GAREM1: variants seen among roughly 807,000 people sequenced by gnomAD.
GAREM1 encodes the protein GRB2-associated and regulator of MAPK protein 1.
A neutral mutation model predicts 71.3 loss-of-function variants in GAREM1; 26 were observed. The ratio of observed to expected loss-of-function variants is 0.36; its 90% CI spans 0.27 to 0.51. The LOEUF is 0.51. Among genes scored for constraint, GAREM1 ranks in the 20% least tolerant of loss-of-function variants. GAREM1 has a pLI of 0.95. For missense variants in GAREM1, 1,026 were observed against 1,103.1 expected (o/e 0.93, Z 0.99); for synonymous variants, 440 against 433.2 (o/e 1.02, Z -0.20).
intron 1 of GAREM1, among the ~76,000 whole-genome samples, chr18:32,410,794 C>T (rs1184543516): frequency 6.6e-6 from 1 of 152,106 alleles, no homozygotes; most frequent in Non-Finnish European, 1.5e-5. Flanking sequence ...ACAAATACGA[C>T]TTCGGTTTTT....
At chr18:32,376,253 T>C (rs1042722506) in intron 2 of GAREM1, among the ~76,000 whole-genome samples, 2 of 152,328 alleles carry the variant, frequency 1.3e-5, no homozygotes, top group African/African-American at 4.8e-5. Context: ...AAGATTTAAT[T>C]GTCTCCACTT....
At chr18:32,457,224 A>AGTGTGTGTGGGTGTGTGTGT (rs1309543369) in intron 1 of GAREM1, among the ~76,000 whole-genome samples, 1 of 107,362 alleles carries the variant, frequency 9.3e-6, no homozygotes, top group Non-Finnish European at 1.9e-5. Flanking sequence ...AGAGAGAGAG[A>AGTGTGTGTGGGTGTGTGTGT]GAGTGTGTGT....
At position 32,267,170 on chromosome 18, in the gene GAREM1, G is replaced by A. The variant is rs945353366; in HGVS notation, c.*701C>T. 6.6e-6 allele frequency: 1 copy of A among 152,156 alleles called. No homozygotes were observed. Among genetic ancestry groups the A allele is most frequent in the Non-Finnish European group, 1.5e-5 (1 of 68,038 alleles). 9.4% of individuals were successfully genotyped at this position (152,156 alleles called of 1,614,324 possible). ...TGTGTAAAACATATCCGGGTGTATT[G>A]TGTATGCACCTATACATGTTTATAT... On this transcript the variant is annotated 3_prime_UTR_variant, in exon 6 of 6. Coordinates refer to ENST00000269209, the MANE Select transcript of GAREM1 (RefSeq NM_001242409.2).
chr18:32,278,298 G>T (rs2041568952), intron 4 of GAREM1, among the ~76,000 whole-genome samples: 1 of 152,166 alleles, frequency 6.6e-6, no homozygotes, highest in African/African-American at 2.4e-5. Context: ...TAACCTTCTA[G>T]AATCAACTGT....
intron 1 of GAREM1, among the ~76,000 whole-genome samples, chr18:32,437,502 C>T (rs2048691151): frequency 6.6e-6 from 1 of 152,182 alleles, no homozygotes; most frequent in African/African-American, 2.4e-5. Flanking sequence ...CCAAGATCTT[C>T]AGTGTCTAGA....
At chr18:32,441,184 G>C (rs1000552942) in intron 1 of GAREM1, among the ~76,000 whole-genome samples, 1 of 152,150 alleles carries the variant, frequency 6.6e-6, no homozygotes, top group Non-Finnish European at 1.5e-5. Context: ...AGGGACAGAA[G>C]CAAGTTCTCA....
chr18:32,340,883 T>C (rs2047640979), intron 2 of GAREM1, among the ~76,000 whole-genome samples: 3 of 152,146 alleles, frequency 2.0e-5, no homozygotes, highest in Admixed American at 2.0e-4. Flanking sequence ...TCTCACCCCC[T>C]GAAGACTGAC....
chr18:32,287,711 G>T lies in GAREM1; in HGVS notation c.886C>A (p.His296Asn). The change falls in exon 4 of 6, where the codon CAC becomes AAC. Residue 296 changes from histidine (H) to asparagine (N), a missense_variant. By Grantham distance (68) the His-to-Asn change is moderately conservative. This residue lies in a region of GAREM1 where 218 missense variants were observed against 296.8 expected (regional missense o/e 0.73). Coordinates refer to ENST00000269209, the MANE Select transcript of GAREM1 (RefSeq NM_001242409.2). The surrounding 1 kb of genome is among the most constrained non-coding windows in gnomAD (Gnocchi z 5.9). The part of the protein sequence containing the change: ...VLRNNKILPM[H>N]FPLHLTVPKF... The stretch of plus-strand genomic sequence containing the variant: ...GGGACAGTCAAGTGCAAAGGAAAGT[G>T]CATGGGGAGGATCTTGTTGTTCCGC... 3.7e-6 allele frequency: 6 copies of T among 1,614,160 alleles called. No homozygotes were observed. Among genetic ancestry groups the T allele is most frequent in the Non-Finnish European group, 5.1e-6 (6 of 1,180,038 alleles).
chr18:32,282,964 T>C (rs1286852598), intron 4 of GAREM1, among the ~76,000 whole-genome samples: 1 of 152,186 alleles, frequency 6.6e-6, no homozygotes, highest in Non-Finnish European at 1.5e-5. Context: ...TGCAATATTA[T>C]AAAATAGAGG....
intron 2 of GAREM1, among the ~76,000 whole-genome samples, chr18:32,353,382 T>C (rs1314785104): frequency 6.6e-6 from 1 of 152,184 alleles, no homozygotes; most frequent in Non-Finnish European, 1.5e-5. Flanking sequence ...ACTCAATGTC[T>C]AGCTGGCCTC....
At chr18:32,438,990 G>A (rs2048709036) in intron 1 of GAREM1, among the ~76,000 whole-genome samples, 1 of 152,176 alleles carries the variant, frequency 6.6e-6, no homozygotes, top group Admixed American at 6.5e-5. Flanking sequence ...AAGGACTCTG[G>A]TGGTAAGGTG....
intron 2 of GAREM1, among the ~76,000 whole-genome samples, chr18:32,316,153 A>C (rs1329316536): frequency 6.6e-6 from 1 of 152,224 alleles, no homozygotes; most frequent in African/African-American, 2.4e-5. Context: ...ATGTATAAGA[A>C]ATTCTACTGA....
intron 2 of GAREM1, among the ~76,000 whole-genome samples, chr18:32,342,185 C>T (rs2047654026): frequency 6.6e-6 from 1 of 152,132 alleles, no homozygotes; most frequent in South Asian, 2.1e-4. Context: ...ATTATCTTCA[C>T]TTTACACATG....
At chr18:32,324,763 A>C (rs553047157) in intron 2 of GAREM1, among the ~76,000 whole-genome samples, 11 of 152,252 alleles carry the variant, frequency 7.2e-5, no homozygotes, top group Admixed American at 7.2e-4. Flanking sequence ...TTTAAGCTAC[A>C]AACGGCAAGG....
chr18:32,347,366 A>G (rs1014334890), intron 2 of GAREM1, among the ~76,000 whole-genome samples: 1 of 152,032 alleles, frequency 6.6e-6, no homozygotes, highest in Non-Finnish European at 1.5e-5. Flanking sequence ...AAATAAAAAC[A>G]AAAGAAAACT....
intron 1 of GAREM1, among the ~76,000 whole-genome samples, chr18:32,455,415 A>G (rs1237209730): frequency 5.9e-5 from 9 of 152,198 alleles, no homozygotes; most frequent in Non-Finnish European, 1.3e-4. Flanking sequence ...TGCCCCTCCT[A>G]CAAAAAATAA....
Position 32,287,733 on chromosome 18 carries a change from C to A in GAREM1, c.864G>T (p.Arg288=). The change falls in exon 4 of 6, where the codon CGG becomes CGT. Residue 288 remains arginine (R), a synonymous_variant. Transcript: ENST00000269209. This position sits in a 1 kb window ranked among gnomAD's most constrained non-coding sequence, Gnocchi z 5.9. ...TKTVVVCCVL[R]NNKILPMHFP... The stretch of plus-strand genomic sequence containing the variant: ...AGTGCATGGGGAGGATCTTGTTGTT[C>A]CGCAGCACACAGCAAACCACCACCG... The A allele has an allele frequency of 6.2e-7, 1 of 1,613,962 alleles. No homozygotes were observed. Among genetic ancestry groups the A allele is most frequent in the Non-Finnish European group, 8.5e-7 (1 of 1,180,014 alleles).
intron 2 of GAREM1, among the ~76,000 whole-genome samples, chr18:32,382,524 G>C (rs1470174391): frequency 1.3e-5 from 2 of 151,572 alleles, no homozygotes; most frequent in Admixed American, 6.6e-5. Context: ...TTGTCTGCTG[G>C]AGGATGATGC....
chr18:32,304,315 AT>A (rs1170272573), intron 3 of GAREM1, among the ~76,000 whole-genome samples: 2 of 152,146 alleles, frequency 1.3e-5, no homozygotes, highest in African/African-American at 2.4e-5. Flanking sequence ...TCAAAAAAAA[AT>A]AAAATAACAT....
Sources: gnomAD v4.1 joint callset for allele counts (sites outside exome capture counted in the v4.1 genomes callset) on GRCh38, gnomAD v4.1.1 for gene constraint, gnomAD v4.1.1 regional missense constraint, Gnocchi (gnomAD v3.1) non-coding constraint, MANE v1.5 for transcripts, NCBI Gene and HGNC (gene_info 2026-07-23, HGNC 2026-07-21) for gene names.